CALN1: variants seen among roughly 807,000 people sequenced by gnomAD.
CALN1 encodes calcium-binding protein 8.
In CALN1, 17 loss-of-function variants were observed where a neutral mutation model predicts 30.6. That is an observed-to-expected ratio of 0.56 (90% CI 0.38 to 0.83). The LOEUF (loss-of-function observed/expected upper bound fraction) is 0.83. Among genes scored for constraint, CALN1 ranks in the 40% least tolerant of loss-of-function variants. The pLI is 0.00. For missense variants in CALN1, 291 were observed against 354.9 expected (o/e 0.82, Z 1.45); for synonymous variants, 156 against 131.4 (o/e 1.19, Z -1.28).
chr7:72,054,421 GTA>G (rs1563015269), intron 4 of CALN1, among the ~76,000 whole-genome samples: 3 of 130,050 alleles, frequency 2.3e-5, no homozygotes, highest in African/African-American at 8.7e-5. Context: ...ATATATACGT[GTA>G]TATATACACG....
At chr7:72,221,193 T>C (rs908596244) in intron 3 of CALN1, among the ~76,000 whole-genome samples, 3 of 151,974 alleles carry the variant, frequency 2.0e-5, no homozygotes, top group Non-Finnish European at 4.4e-5. Flanking sequence ...TTTCACACGG[T>C]TAGTAGGAGT....
At chr7:72,285,848 C>A (rs1481903202) in intron 2 of CALN1, among the ~76,000 whole-genome samples, 2 of 152,186 alleles carry the variant, frequency 1.3e-5, no homozygotes, top group Non-Finnish European at 2.9e-5. Context: ...AAGTACAAGG[C>A]ATCTCTTGCA....
At chr7:72,449,598 C>T (rs935526141), upstream of CALN1, among the ~76,000 whole-genome samples, 14 of 152,120 alleles carry the variant, frequency 9.2e-5, no homozygotes, top group East Asian at 1.9e-4. Context: ...TCAGGCTGGG[C>T]GCGGTGGCTC....
chr7:72,006,114 C>G (rs1275423829), intron 5 of CALN1, among the ~76,000 whole-genome samples: 2 of 152,128 alleles, frequency 1.3e-5, no homozygotes, highest in African/African-American at 4.8e-5. Flanking sequence ...TGTGAGTCTA[C>G]AGCCATTTCA....
At chr7:72,501,925 A>AAAT in the CALN1 span, among the ~76,000 whole-genome samples, 5 of 87,884 alleles carry the variant, frequency 5.7e-5, 1 homozygote, top group South Asian at 1.7e-3. Context: ...AAAAAAAAAA[A>AAAT]AAAATATATA....
chr7:72,398,868 C>T (rs1033728090), intron 2 of CALN1, among the ~76,000 whole-genome samples: 2 of 152,190 alleles, frequency 1.3e-5, no homozygotes, highest in South Asian at 2.1e-4. Flanking sequence ...ATCGATCACA[C>T]CCAACCCTTC....
chr7:72,321,001 A>G (rs568062332), intron 2 of CALN1, among the ~76,000 whole-genome samples: 22 of 152,214 alleles, frequency 1.4e-4, no homozygotes, highest in Admixed American at 4.6e-4. Context: ...TAAAAACGTT[A>G]TTGAAAAGAT....
intron 5 of CALN1, among the ~76,000 whole-genome samples, chr7:71,928,168 G>A (rs531326334): frequency 6.6e-6 from 1 of 152,174 alleles, no homozygotes; most frequent in Non-Finnish European, 1.5e-5. Flanking sequence ...TTTCTTGTGA[G>A]TGCACAACGG....
intron 3 of CALN1, among the ~76,000 whole-genome samples, chr7:72,174,005 A>T (rs1404035973): frequency 1.3e-5 from 2 of 152,150 alleles, no homozygotes; most frequent in Non-Finnish European, 2.9e-5. Flanking sequence ...GGCAAACCAC[A>T]GACTGGGAGA....
At chr7:71,824,783 A>C (rs140634374) in intron 5 of CALN1, among the ~76,000 whole-genome samples, 25 of 152,228 alleles carry the variant, frequency 1.6e-4, no homozygotes, top group African/African-American at 6.0e-4. Context: ...GCCGAGAGAG[A>C]GCTGCCTGGA....
intron 3 of CALN1, among the ~76,000 whole-genome samples, chr7:72,204,185 C>T (rs1490397841): frequency 4.7e-5 from 7 of 149,600 alleles, no homozygotes; most frequent in Admixed American, 6.7e-5. Context: ...TTATTAGAGA[C>T]GGGGTTTCAC....
chr7:72,392,991 C>CTT (rs1554398538), intron 2 of CALN1, among the ~76,000 whole-genome samples: 7 of 151,930 alleles, frequency 4.6e-5, no homozygotes, highest in African/African-American at 1.7e-4. Flanking sequence ...CAGCAAGACT[C>CTT]TGTCACTTAA....
chr7:72,273,226 G>A (rs1797111428), intron 3 of CALN1, among the ~76,000 whole-genome samples: 1 of 152,080 alleles, frequency 6.6e-6, no homozygotes, highest in Admixed American at 6.6e-5. Context: ...AAGGTCAGGA[G>A]TTCGAGACCA....
chr7:72,499,387 T>A, the CALN1 span, among the ~76,000 whole-genome samples: 1 of 152,114 alleles, frequency 6.6e-6, no homozygotes, highest in Non-Finnish European at 1.5e-5. Context: ...AAAGGAACAC[T>A]ACAAATTATT....
intron 5 of CALN1, among the ~76,000 whole-genome samples, chr7:71,821,977 C>A (rs1461084143): frequency 6.6e-6 from 1 of 151,750 alleles, no homozygotes; most frequent in Non-Finnish European, 1.5e-5. Context: ...CATGTTGGCC[C>A]AGGCTGGTCT....
chr7:72,338,903 G>GTT (rs113269740), intron 2 of CALN1, among the ~76,000 whole-genome samples: 5 of 140,730 alleles, frequency 3.6e-5, no homozygotes, highest in African/African-American at 7.8e-5. Flanking sequence ...ATTCTAACTT[G>GTT]TTTTTTTTTT....
chr7:72,029,528 G>C (rs1475960739), intron 4 of CALN1, among the ~76,000 whole-genome samples: 1 of 152,122 alleles, frequency 6.6e-6, no homozygotes, highest in Admixed American at 6.5e-5. Flanking sequence ...GCTTCCAGTG[G>C]GAGATGATCA....
chr7:72,309,959 T>C (rs1245844852), intron 2 of CALN1, among the ~76,000 whole-genome samples: 3 of 152,130 alleles, frequency 2.0e-5, no homozygotes, highest in Non-Finnish European at 4.4e-5. Context: ...GCCAGCATTC[T>C]CTTCCCTGAG....
intron 4 of CALN1, among the ~76,000 whole-genome samples, chr7:72,067,268 G>GTC (rs1028322406): frequency 6.6e-6 from 1 of 152,032 alleles, no homozygotes; most frequent in Non-Finnish European, 1.5e-5. Context: ...TAGACACAAG[G>GTC]TCTCTCTCTG....
Sources: allele counts gnomAD v4.1 joint callset (sites outside exome capture counted in the v4.1 genomes callset), GRCh38; gene constraint gnomAD v4.1.1; transcripts MANE v1.5; gene names NCBI Gene and HGNC (gene_info 2026-07-23, HGNC 2026-07-21).